DIP2B: variants seen among roughly 807,000 people sequenced by gnomAD.
The protein encoded by DIP2B is disco-interacting protein 2 homolog B.
DIP2B carries 76 observed loss-of-function variants against 198.0 expected under a neutral mutation model. The ratio of observed to expected loss-of-function variants is 0.38; its 90% CI spans 0.32 to 0.46. The LOEUF is 0.46. Ranked by LOEUF, DIP2B falls within the 20% of genes least tolerant of loss-of-function variation. DIP2B has a pLI of 0.99. For synonymous variants in DIP2B, 701 were observed against 739.1 expected, an observed-to-expected ratio of 0.95 and a Z score of 0.84; for missense variants, 1,559 against 1,978.4, an observed-to-expected ratio of 0.79 and a Z score of 4.02.
chr12:50,686,750 A>G lies in DIP2B; in HGVS notation c.1551+68A>G, dbSNP rs999979389. 5.5e-6 allele frequency: 8 copies of G among 1,448,108 alleles called. No individual in the cohort carries two copies. The Admixed American group carries it at 1.4e-4, about 25-fold the overall frequency. 89.7% of individuals were successfully genotyped at this position (1,448,108 alleles called of 1,614,324 possible). On this transcript the variant is annotated intron_variant, in intron 12 of 37. Coordinates refer to ENST00000301180, the MANE Select transcript of DIP2B (RefSeq NM_173602.3). ...GGCTTTGCTTGCCACCTTTCAAAATATAAAACTGAATTTTTGCAACGTTAA... is the reference window on the plus strand; with the variant it reads ...GGCTTTGCTTGCCACCTTTCAAAATGTAAAACTGAATTTTTGCAACGTTAA...
At chr12:50,742,781 A>G (rs1940275451) in intron 37 of DIP2B, among the ~76,000 whole-genome samples, 2 of 152,026 alleles carry the variant, frequency 1.3e-5, no homozygotes, top group Admixed American at 1.3e-4. Context: ...CCGTAATCCT[A>G]GCTGCTCGGG....
chr12:50,638,834 C>T lies in DIP2B; in HGVS notation c.173-1890C>T, dbSNP rs182600722. On this transcript the variant is annotated intron_variant, in intron 2 of 37. Coordinates refer to ENST00000301180, the MANE Select transcript of DIP2B (RefSeq NM_173602.3). ...GAGGTATGGGTTGAGTAGCCCTTAT[C>T]TGAAATGCTTGGGACTAGAAGTGTT... Among the ~76,000 whole-genome samples, 476 of 150,378 alleles carry T rather than the reference C, an allele frequency of 3.2e-3. 2 individuals are homozygous for T. Among genetic ancestry groups the T allele is most frequent in the African/African-American group, 0.011 (457 of 40,822 alleles).
intron 1 of DIP2B, among the ~76,000 whole-genome samples, chr12:50,537,845 T>G (rs967362672): frequency 2.0e-5 from 3 of 151,968 alleles, no homozygotes; most frequent in Admixed American, 6.6e-5. Context: ...GTTAAACCTA[T>G]GGAGAGCTTA....
chr12:50,539,046 G>C (rs1958295075), intron 1 of DIP2B, among the ~76,000 whole-genome samples: 1 of 152,126 alleles, frequency 6.6e-6, no homozygotes, highest in Non-Finnish European at 1.5e-5. Context: ...TGAGCTTTAA[G>C]TTCTTGCCTT....
At chr12:50,722,411 G>C (rs555345941) in intron 26 of DIP2B, among the ~76,000 whole-genome samples, 7 of 151,836 alleles carry the variant, frequency 4.6e-5, no homozygotes, top group African/African-American at 1.7e-4. Flanking sequence ...ACGCCACCAC[G>C]CCCAGCTAAT....
At chr12:50,699,335 G>C (rs958734819) in intron 19 of DIP2B, 133 bp downstream of exon 19, 1 of 1,356,390 alleles carries the variant, frequency 7.4e-7, no homozygotes, top group Non-Finnish European at 1.0e-6. Flanking sequence ...ACTTGCCTAA[G>C]TTCAAATTCT....
chr12:50,563,940 CAT>C (rs1958542070), intron 1 of DIP2B, among the ~76,000 whole-genome samples: 1 of 152,106 alleles, frequency 6.6e-6, no homozygotes, highest in Non-Finnish European at 1.5e-5. Context: ...CATTTCATAA[CAT>C]AGCATCAGCA....
In DIP2B at chr12:50,739,272, G is replaced by A. The variant is rs1325260436; in HGVS notation, c.4177-137G>A. 2.1e-5 allele frequency: 19 copies of A among 892,650 alleles called. No individual in the cohort carries two copies. The South Asian group carries it at 3.3e-4, about 16-fold the overall frequency. The allele number at this position is 892,650 out of a possible 1,614,324, so 55.3% of individuals were successfully genotyped here. ...GGTACATGATGAGCACGTGGTAAAT[G>A]TCAGCTGCCTTTATTGATGCAGTTG... On this transcript the variant is annotated intron_variant, in intron 35 of 37. Coordinates refer to ENST00000301180, the MANE Select transcript of DIP2B (RefSeq NM_173602.3).
chr12:50,538,605 G>T (rs947492400), intron 1 of DIP2B, among the ~76,000 whole-genome samples: 4 of 151,480 alleles, frequency 2.6e-5, no homozygotes, highest in African/African-American at 9.7e-5. Context: ...CCCATTTCTT[G>T]TACTCTTTTC....
Position 50,678,786 on chromosome 12 carries a change from GC to G in DIP2B, c.1027del (p.Leu343CysfsTer14), listed in dbSNP as rs1308117038. On this transcript the variant is annotated frameshift_variant, in exon 8 of 38. Transcript: ENST00000301180. LOFTEE classifies it high-confidence loss of function. ...ICNWPPALES[A>X]LQRWGTTQAK... ...TAACTGGCCTCCTGCTCTTGAATCT[GC>G]CCTGCAGCGCTGGGGTACCACTCAA... is the stretch of plus-strand genomic sequence containing the variant. 6.2e-7 allele frequency: 1 copy of G among 1,614,088 alleles called. No individual in the cohort carries two copies. The highest frequency in any genetic ancestry group is 8.5e-7 in the Non-Finnish European group (1 of 1,180,048).
intron 1 of DIP2B, among the ~76,000 whole-genome samples, chr12:50,552,416 G>A (rs563581388): frequency 1.6e-4 from 24 of 151,884 alleles, no homozygotes; most frequent in African/African-American, 5.3e-4. Flanking sequence ...ATAGGCGCCC[G>A]CCACCACGCC....
intron 3 of DIP2B, among the ~76,000 whole-genome samples, chr12:50,650,895 T>G (rs1320985762): frequency 6.6e-6 from 1 of 152,242 alleles, no homozygotes; most frequent in Non-Finnish European, 1.5e-5. Context: ...ACTATTTTCC[T>G]TAGAAGCTAT....
chr12:50,710,180 C>T (rs1480609893), intron 22 of DIP2B, among the ~76,000 whole-genome samples: 4 of 152,136 alleles, frequency 2.6e-5, no homozygotes, highest in African/African-American at 7.2e-5. Context: ...GTTCAGGGCT[C>T]GATCCCCAGA....
At chr12:50,558,011 A>C (rs1240978596) in intron 1 of DIP2B, among the ~76,000 whole-genome samples, 2 of 152,176 alleles carry the variant, frequency 1.3e-5, no homozygotes, top group African/African-American at 2.4e-5. Context: ...AAATACATAC[A>C]TAAATGTTAG....
At chr12:50,660,078 C>T (rs1938618767) in intron 3 of DIP2B, 116 bp from the exon 4 acceptor site, 6 of 1,046,054 alleles carry the variant, frequency 5.7e-6, no homozygotes, top group African/African-American at 1.6e-5. Context: ...ATCATCTGAA[C>T]GTCCCCTTTA....
At position 50,680,794 on chromosome 12, in the gene DIP2B, T is replaced by G. The variant is rs770461549; in HGVS notation, c.1206+31T>G. On this transcript the variant is annotated intron_variant, in intron 9 of 37. Coordinates refer to ENST00000301180, the MANE Select transcript of DIP2B (RefSeq NM_173602.3). ...TGGTGTGATTTTGGTTTTAGGGAGGTGGTGTTTATTGTTTTCTAATATGCT... is the reference window on the plus strand; with the variant it reads ...TGGTGTGATTTTGGTTTTAGGGAGGGGGTGTTTATTGTTTTCTAATATGCT... 10 of 1,577,582 alleles carry G rather than the reference T, an allele frequency of 6.3e-6. No homozygotes were observed. The African/African-American group carries it at 1.2e-4, about 19-fold the overall frequency.
At chr12:50,588,620 G>T (rs1035651020) in intron 1 of DIP2B, among the ~76,000 whole-genome samples, 7 of 152,070 alleles carry the variant, frequency 4.6e-5, no homozygotes, top group Non-Finnish European at 5.9e-5. Context: ...CCTTGGTTTG[G>T]GTTGCTCTGG....
At chr12:50,610,632 A>G (rs967559083) in intron 1 of DIP2B, among the ~76,000 whole-genome samples, 3 of 151,018 alleles carry the variant, frequency 2.0e-5, no homozygotes, top group Non-Finnish European at 2.9e-5. Context: ...CAGCCTCCCC[A>G]GTAGCTGGGA....
At chr12:50,556,492 A>G (rs1958472296) in intron 1 of DIP2B, among the ~76,000 whole-genome samples, 1 of 152,284 alleles carries the variant, frequency 6.6e-6, no homozygotes, top group Admixed American at 6.5e-5. Flanking sequence ...CTAATAGTAA[A>G]ACAGCCGTTT....
Sources: allele counts gnomAD v4.1 joint callset (sites outside exome capture counted in the v4.1 genomes callset), GRCh38; gene constraint gnomAD v4.1.1; transcripts MANE v1.5; gene names NCBI Gene and HGNC (gene_info 2026-07-23, HGNC 2026-07-21).